SYNE2: variants seen among roughly 807,000 people sequenced by gnomAD.
The protein encoded by SYNE2 is spectrin repeat containing nuclear envelope protein 2.
In SYNE2, 431 loss-of-function variants were observed where a neutral mutation model predicts 856.3. The observed-to-expected ratio is 0.50, with a 90% CI of 0.47 to 0.55. The LOEUF (loss-of-function observed/expected upper bound fraction) is 0.55, where lower values mean the gene tolerates loss of function less well. Among genes scored for constraint, SYNE2 ranks in the 20% least tolerant of loss-of-function variants. The pLI is 0.00. For missense variants in SYNE2, 8,129 were observed against 8,023.2 expected (o/e 1.01, Z -0.50); for synonymous variants, 2,923 against 2,872.3 (o/e 1.02, Z -0.56).
Position 64,062,812 on chromosome 14 carries a change from A to G in SYNE2, c.10129A>G (p.Lys3377Glu). Reference protein sequence around the residue: ...MEEDIYTNLSKMETVLGQSMS... With the variant: ...MEEDIYTNLSEMETVLGQSMS... ...AGAGGATATTTACACTAACCTCAGCAAAATGGAGACAGTTCTTGGACAGTC... is the reference window on the plus strand; with the variant it reads ...AGAGGATATTTACACTAACCTCAGCGAAATGGAGACAGTTCTTGGACAGTC... The change falls in exon 50 of 116, where the codon AAA (lysine) becomes GAA (glutamate). Residue 3377 changes from lysine to glutamate, a missense_variant. Lys to Glu is a moderately conservative substitution (Grantham distance 56, BLOSUM62 1). Coordinates refer to ENST00000555002, the MANE Select transcript of SYNE2 (RefSeq NM_182914.3). 1.2e-6 allele frequency: 2 copies of G among 1,614,142 alleles called. No homozygotes were observed. Among genetic ancestry groups the G allele is most frequent in the Non-Finnish European group, 1.7e-6 (2 of 1,180,000 alleles).
intron 41 of SYNE2, among the ~76,000 whole-genome samples, chr14:64,026,027 T>C (rs377667268): frequency 6.6e-6 from 1 of 152,210 alleles, no homozygotes; most frequent in African/African-American, 2.4e-5. Flanking sequence ...ATCACATTCA[T>C]TGAAGCATTC....
At chr14:63,940,070 A>ATTTTTTTTTTTTTT (rs10666086) in intron 2 of SYNE2, among the ~76,000 whole-genome samples, 3 of 129,400 alleles carry the variant, frequency 2.3e-5, no homozygotes, top group Non-Finnish European at 1.6e-5. Flanking sequence ...GTCTCAGTTC[A>ATTTTTTTTTTTTTT]TTTTTTTTTT....
At chr14:63,935,530 T>C (rs562641822) in intron 2 of SYNE2, among the ~76,000 whole-genome samples, 46 of 152,312 alleles carry the variant, frequency 3.0e-4, no homozygotes, top group Non-Finnish European at 5.3e-4. Flanking sequence ...TTTGCACATA[T>C]TGCAGGCCAA....
At chr14:63,983,991 C>G in intron 18 of SYNE2, 105 bp downstream of exon 18, 1 of 831,948 alleles carries the variant, frequency 1.2e-6, no homozygotes. Context: ...CCTGTAATCC[C>G]AGCACTTTGG....
In SYNE2 at chr14:64,093,600, CTG is replaced by C. The variant is rs2097649138; in HGVS notation, c.12108+122_12108+123del. 2.9e-6 allele frequency: 3 copies of C among 1,036,808 alleles called. No homozygotes were observed. In the South Asian group the frequency reaches 3.9e-5, roughly 14 times the overall value. 64.2% of individuals were successfully genotyped at this position (1,036,808 alleles called of 1,614,324 possible). Reference sequence around the variant, plus strand: ...GTGGTGCAGTGTAACACCTGTTTCTCTGTAACAATTGAAGGTATTTCTGTGTG... The same window carrying C: ...GTGGTGCAGTGTAACACCTGTTTCTCTAACAATTGAAGGTATTTCTGTGTG... On this transcript the variant is annotated intron_variant, in intron 61 of 115. Transcript: ENST00000555002.
chr14:63,767,404 C>T (rs1261013751), intron 1 of SYNE2, among the ~76,000 whole-genome samples: 1 of 152,100 alleles, frequency 6.6e-6, no homozygotes, highest in East Asian at 1.9e-4. Flanking sequence ...GCCACTGTGA[C>T]CGGCCAATTT....
intron 1 of SYNE2, among the ~76,000 whole-genome samples, chr14:63,793,767 C>CA (rs1033198294): frequency 6.0e-5 from 9 of 149,978 alleles, no homozygotes; most frequent in Non-Finnish European, 5.9e-5. Flanking sequence ...TGAGGCCCCC[C>CA]CCCAACTAAA....
intron 31 of SYNE2, among the ~76,000 whole-genome samples, chr14:64,007,548 C>T: frequency 6.6e-6 from 1 of 152,240 alleles, no homozygotes; most frequent in East Asian, 1.9e-4. Flanking sequence ...TTAAAAAGAA[C>T]ACGGATTTAT....
chr14:63,792,510 G>C (rs1205390483), intron 1 of SYNE2, among the ~76,000 whole-genome samples: 1 of 152,110 alleles, frequency 6.6e-6, no homozygotes, highest in Non-Finnish European at 1.5e-5. Flanking sequence ...AGTGAAGATT[G>C]TGCCACTGCA....
intron 1 of SYNE2, among the ~76,000 whole-genome samples, chr14:63,884,988 G>C (rs2094950775): frequency 6.6e-6 from 1 of 152,140 alleles, no homozygotes; most frequent in Non-Finnish European, 1.5e-5. Context: ...ATAGTTTTCA[G>C]AGCTTAATGT....
intron 65 of SYNE2, among the ~76,000 whole-genome samples, chr14:64,110,733 A>G (rs1433584700): frequency 1.3e-5 from 2 of 152,056 alleles, no homozygotes; most frequent in Non-Finnish European, 2.9e-5. Flanking sequence ...TTAAAAGATC[A>G]CAGAGCTGTG....
intron 103 of SYNE2, among the ~76,000 whole-genome samples, chr14:64,211,645 G>A (rs557885909): frequency 6.6e-6 from 1 of 152,348 alleles, no homozygotes; most frequent in Admixed American, 6.5e-5. Context: ...CACTGATTTG[G>A]ACTAGAGAAT....
In SYNE2 at chr14:64,162,075, G is replaced by T; in HGVS notation, c.16098G>T (p.Trp5366Cys). Reference sequence around the variant, plus strand: ...GTTATTTGCGTTGCACTGACAGGTGGACTCAGGTGAACCAAGCCATTGCAG... The same window carrying T: ...GTTATTTGCGTTGCACTGACAGGTGTACTCAGGTGAACCAAGCCATTGCAG... ...EEKCQNTHKR[W>C]TQVNQAIADQ... Residue 5366 changes from tryptophan (W) to cysteine (C), a missense_variant, in exon 88 of 116, where the codon TGG becomes TGT. By Grantham distance (215) the Trp-to-Cys change is radical (BLOSUM62 -2). Around this residue, in one of 3 missense-constraint regions of SYNE2, gnomAD observed 5,410 missense variants for 5,284.8 expected, o/e 1.02. Coordinates refer to ENST00000555002, the MANE Select transcript of SYNE2 (RefSeq NM_182914.3). 2 of 1,614,150 alleles carry T rather than the reference G, an allele frequency of 1.2e-6. No homozygotes were observed. The highest frequency in any genetic ancestry group is 1.7e-6 in the Non-Finnish European group (2 of 1,180,022).
chr14:64,015,941 T>C (rs1399499218), intron 32 of SYNE2, among the ~76,000 whole-genome samples: 2 of 152,102 alleles, frequency 1.3e-5, no homozygotes, highest in Non-Finnish European at 2.9e-5. Context: ...TTGACTGGTA[T>C]TTAGAAGTAT....
chr14:63,986,863 A>AT (rs1199197682), intron 19 of SYNE2, among the ~76,000 whole-genome samples: 2 of 152,186 alleles, frequency 1.3e-5, no homozygotes, highest in African/African-American at 2.4e-5. Flanking sequence ...TTTCTTAGCT[A>AT]TAACATGGGG....
At chr14:64,221,938 CATAGGTGCTCTCGAT>C (rs1470769995) in intron 112 of SYNE2, among the ~76,000 whole-genome samples, 2 of 152,108 alleles carry the variant, frequency 1.3e-5, no homozygotes. Context: ...GAACTGAGGA[CATAGGTGCTCTCGAT>C]ATCCTGAGGA....
intron 45 of SYNE2, among the ~76,000 whole-genome samples, chr14:64,044,285 A>G (rs553351717): frequency 3.3e-5 from 5 of 152,170 alleles, no homozygotes; most frequent in Non-Finnish European, 7.4e-5. Flanking sequence ...TCAGACTTGC[A>G]TGGGCCCTGT....
chr14:64,186,426 A>G lies in SYNE2; in HGVS notation c.17559A>G (p.Glu5853=), dbSNP rs765699655. ...DLHNEKELIK[E]LEQSLASWTQ... The stretch of plus-strand genomic sequence containing the variant: ...CCCCTTCTTGTGATTAAATGCAGGA[A>G]CTAGAACAGTCTTTGGCTAGCTGGA... The change falls in exon 97 of 116, where the codon GAA becomes GAG. Residue 5853 remains glutamate, a splice_region_variant and synonymous_variant. Coordinates refer to ENST00000555002, the MANE Select transcript of SYNE2 (RefSeq NM_182914.3). The G allele has an allele frequency of 1.9e-6, 3 of 1,614,080 alleles. No individual in the cohort carries two copies. In the African/African-American group the frequency reaches 4.0e-5, roughly 22 times the overall value.
chr14:64,134,175 T>G lies in SYNE2; in HGVS notation c.14621T>G (p.Leu4874Ter), dbSNP rs771247444. The G allele has an allele frequency of 1.2e-6, 2 of 1,614,174 alleles. No individual in the cohort carries two copies. The highest frequency in any genetic ancestry group is 1.7e-6 in the Non-Finnish European group (2 of 1,179,988). Residue 4874 changes from leucine to a stop codon, truncating the protein, a stop_gained, in exon 78 of 116, where the codon TTA (leucine) becomes TGA (stop). Transcript: ENST00000555002. LOFTEE classifies it high-confidence loss of function. The stretch of plus-strand genomic sequence containing the variant: ...TTGGTGGAAGAAACAGAGGAAAGAT[T>G]AGTGGAAAGGATTTCATTTTACCAG... ...VSLVEETEER[L>*]VERISFYQQI...
Sources: allele counts gnomAD v4.1 joint callset (sites outside exome capture counted in the v4.1 genomes callset), GRCh38; gene constraint gnomAD v4.1.1; regional missense constraint gnomAD v4.1.1; transcripts MANE v1.5; gene names NCBI Gene and HGNC (gene_info 2026-07-23, HGNC 2026-07-21).